Variants in LSAMP observed in about 807,000 individuals in gnomAD.
LSAMP encodes limbic system-associated membrane protein.
LSAMP carries 7 observed loss-of-function variants against 38.6 expected under a neutral mutation model. That is an observed-to-expected ratio of 0.18 (90% CI 0.10 to 0.34). The LOEUF (loss-of-function observed/expected upper bound fraction) is 0.34. Ranked by LOEUF, LSAMP falls within the 10% of genes least tolerant of loss-of-function variation. The probability of loss-of-function intolerance (pLI) is 1.00; values close to 1 mark genes in which losing one functional copy is unlikely to be tolerated. For missense variants in LSAMP, 313 were observed against 420.0 expected (o/e 0.75, Z 2.23); for synonymous variants, 154 against 166.8 (o/e 0.92, Z 0.59).
At chr3:116,273,684 A>AGAT (rs376443772) in intron 1 of LSAMP, among the ~76,000 whole-genome samples, 1 of 3,686 alleles carries the variant, frequency 2.7e-4, no homozygotes, top group East Asian at 0.033. Context: ...AGAAAGAGGC[A>AGAT]TATATATATA....
At chr3:116,210,374 C>A (rs1053570959) in intron 1 of LSAMP, among the ~76,000 whole-genome samples, 1 of 152,192 alleles carries the variant, frequency 6.6e-6, no homozygotes, top group East Asian at 1.9e-4. Flanking sequence ...ATAAAGCAGT[C>A]AGGAGAAGGT....
chr3:116,209,040 G>A (rs1226106322), intron 1 of LSAMP, among the ~76,000 whole-genome samples: 1 of 152,196 alleles, frequency 6.6e-6, no homozygotes, highest in East Asian at 1.9e-4. Context: ...TGCTATGCTA[G>A]CAATCAGCGA....
Position 116,020,678 on chromosome 3 carries a change from A to G in LSAMP, c.389-1038T>C, listed in dbSNP as rs182666373. Among the ~76,000 whole-genome samples the G allele has an allele frequency of 1.2e-4, 18 of 152,338 alleles. No homozygotes were observed. In the East Asian group the frequency reaches 1.9e-3, roughly 16 times the overall value. Reference sequence around the variant, plus strand: ...CTTCATTAGTGTTCAGGGTGGCAACATTAGATCACACGTCGGTAGGCTTAA... The same window carrying G: ...CTTCATTAGTGTTCAGGGTGGCAACGTTAGATCACACGTCGGTAGGCTTAA... On this transcript the variant is annotated intron_variant, in intron 2 of 6. Coordinates refer to ENST00000490035, the MANE Select transcript of LSAMP (RefSeq NM_002338.5).
chr3:116,113,342 G>C (rs1708659730), intron 1 of LSAMP, among the ~76,000 whole-genome samples: 1 of 149,294 alleles, frequency 6.7e-6, no homozygotes, highest in Admixed American at 6.7e-5. Flanking sequence ...ACAAACTTGA[G>C]GGGATAGGCA....
chr3:116,248,980 T>C (rs1201338783), intron 1 of LSAMP, among the ~76,000 whole-genome samples: 1 of 151,954 alleles, frequency 6.6e-6, no homozygotes, highest in Non-Finnish European at 1.5e-5. Flanking sequence ...ACCCTGTCTC[T>C]ACTAAAAAAT....
At chr3:116,193,480 C>T (rs1289397932) in intron 1 of LSAMP, among the ~76,000 whole-genome samples, 1 of 152,110 alleles carries the variant, frequency 6.6e-6, no homozygotes, top group East Asian at 1.9e-4. Flanking sequence ...AAAGATTTTT[C>T]AAAGGTAAAT....
At chr3:115,816,016 A>G (rs1559833339) in intron 6 of LSAMP, among the ~76,000 whole-genome samples, 1 of 152,124 alleles carries the variant, frequency 6.6e-6, no homozygotes, top group South Asian at 2.1e-4. Context: ...CACCCCTCTG[A>G]GACTCAGAGA....
At chr3:116,397,842 C>T (rs1009331951) in intron 1 of LSAMP, among the ~76,000 whole-genome samples, 1 of 152,080 alleles carries the variant, frequency 6.6e-6, no homozygotes, top group Non-Finnish European at 1.5e-5. Context: ...GTAGGCCAAG[C>T]TCAAGCCATT....
intron 2 of LSAMP, among the ~76,000 whole-genome samples, chr3:116,054,110 T>C (rs1941445139): frequency 1.3e-5 from 2 of 152,144 alleles, no homozygotes; most frequent in African/African-American, 4.8e-5. Context: ...ATCAATTCCT[T>C]GCCTTCTCCA....
intron 1 of LSAMP, among the ~76,000 whole-genome samples, chr3:116,266,979 G>T (rs2046900666): frequency 6.6e-6 from 1 of 152,110 alleles, no homozygotes; most frequent in African/African-American, 2.4e-5. Context: ...CACTTTACAT[G>T]TGTCAACTCA....
intron 1 of LSAMP, among the ~76,000 whole-genome samples, chr3:116,425,021 T>C (rs556310737): frequency 4.4e-4 from 62 of 141,092 alleles, no homozygotes; most frequent in Non-Finnish European, 7.5e-4. Context: ...AAAAAGAGAG[T>C]GGAGTTTGCC....
At chr3:116,136,159 A>G (rs1559756321) in intron 1 of LSAMP, among the ~76,000 whole-genome samples, 1 of 152,180 alleles carries the variant, frequency 6.6e-6, no homozygotes. Context: ...TATACCTAAT[A>G]TATCAATAAT....
chr3:116,180,795 T>A (rs1710467296), intron 1 of LSAMP, among the ~76,000 whole-genome samples: 1 of 152,126 alleles, frequency 6.6e-6, no homozygotes, highest in African/African-American at 2.4e-5. Flanking sequence ...TTTTCTAAAG[T>A]TTTGAGGAGA....
chr3:116,094,714 G>A (rs1041723101), intron 1 of LSAMP, among the ~76,000 whole-genome samples: 2 of 152,146 alleles, frequency 1.3e-5, no homozygotes, highest in African/African-American at 4.8e-5. Context: ...TACTGCTGAT[G>A]GAGTGCTAGT....
chr3:116,388,668 G>A (rs2048655649), intron 1 of LSAMP, among the ~76,000 whole-genome samples: 1 of 152,094 alleles, frequency 6.6e-6, no homozygotes. Flanking sequence ...CTCTTTCTCT[G>A]CTCCTTATTC....
intron 1 of LSAMP, among the ~76,000 whole-genome samples, chr3:116,418,086 T>C (rs2049074837): frequency 6.6e-6 from 1 of 152,258 alleles, no homozygotes; most frequent in South Asian, 2.1e-4. Context: ...ATTCTGTCTC[T>C]TTCCCTCTCA....
At chr3:115,811,812 TTATAAA>T (rs1305321717) in intron 6 of LSAMP, among the ~76,000 whole-genome samples, 1 of 152,150 alleles carries the variant, frequency 6.6e-6, no homozygotes, top group African/African-American at 2.4e-5. Context: ...CACAACTGCC[TTATAAA>T]TATAAGCACA....
rs552328321 is a variant in LSAMP at position 116,349,235 on chromosome 3, T to C, written c.155+95642A>G. 1.5e-4 allele frequency among the ~76,000 whole-genome samples: 23 copies of C among 152,192 alleles called. No homozygotes were observed. In the South Asian group the frequency reaches 2.9e-3, roughly 19 times the overall value. On this transcript the variant is annotated intron_variant, in intron 1 of 6. Transcript: ENST00000490035. ...ACACAAGGATAATACTGAAAGTGTA[T>C]TATATTGTTTCTCAATTTAAAAAAT...
At chr3:116,345,973 T>G (rs922445570) in intron 1 of LSAMP, among the ~76,000 whole-genome samples, 1 of 152,188 alleles carries the variant, frequency 6.6e-6, no homozygotes, top group Non-Finnish European at 1.5e-5. Flanking sequence ...GGTAAAGAAA[T>G]AAATACGGTG....
Sources: allele counts gnomAD v4.1 joint callset (sites outside exome capture counted in the v4.1 genomes callset), GRCh38; gene constraint gnomAD v4.1.1; transcripts MANE v1.5; gene names NCBI Gene and HGNC (gene_info 2026-07-23, HGNC 2026-07-21).